Variants in RPS6KC1 observed in about 807,000 individuals in gnomAD.
RPS6KC1 encodes inactive ribosomal protein S6 kinase delta-1.
In RPS6KC1, 54 loss-of-function variants were observed where a neutral mutation model predicts 103.8. The observed-to-expected ratio is 0.52, with a 90% CI of 0.42 to 0.65. The LOEUF (loss-of-function observed/expected upper bound fraction) is 0.65, where lower values mean the gene tolerates loss of function less well. RPS6KC1 is among the 30% of genes least tolerant of loss of function. The pLI, the probability that RPS6KC1 is intolerant of heterozygous loss-of-function variation, is 0.00. For missense variants in RPS6KC1, 1,151 were observed against 1,253.8 expected, an observed-to-expected ratio of 0.92 and a Z score of 1.24; for synonymous variants, 439 against 438.7, an observed-to-expected ratio of 1.00 and a Z score of -0.01.
chr1:213,555,535 A>G, the RPS6KC1 span, among the ~76,000 whole-genome samples: 1 of 151,810 alleles, frequency 6.6e-6, no homozygotes, highest in Admixed American at 6.6e-5. Flanking sequence ...TGCAGCCTCG[A>G]CCCCCTGGGC....
At chr1:213,506,150 A>G in the RPS6KC1 span, among the ~76,000 whole-genome samples, 2 of 152,216 alleles carry the variant, frequency 1.3e-5, no homozygotes, top group Non-Finnish European at 2.9e-5. Flanking sequence ...GATGGGGACC[A>G]TCTTGTACTA....
chr1:213,778,265 G>T, the RPS6KC1 span, among the ~76,000 whole-genome samples: 3 of 152,132 alleles, frequency 2.0e-5, no homozygotes, highest in Non-Finnish European at 2.9e-5. Flanking sequence ...TCCACTTCCC[G>T]GGTGGCTATT....
chr1:213,289,369 T>C, the RPS6KC1 span, among the ~76,000 whole-genome samples: 16 of 152,238 alleles, frequency 1.1e-4, no homozygotes, highest in Middle Eastern at 3.4e-3. Context: ...TAAAGAAATT[T>C]TTTTTCCACG....
At chr1:213,704,757 A>G in the RPS6KC1 span, among the ~76,000 whole-genome samples, 22 of 152,218 alleles carry the variant, frequency 1.4e-4, no homozygotes, top group Admixed American at 1.4e-3. Flanking sequence ...GTTTGTACCA[A>G]TCCTTCTTGG....
the RPS6KC1 span, among the ~76,000 whole-genome samples, chr1:213,710,653 C>T: frequency 4.6e-5 from 7 of 152,178 alleles, no homozygotes; most frequent in East Asian, 3.9e-4. Flanking sequence ...TGGCTGGTAC[C>T]GGTTTTTCTT....
At chr1:213,598,977 T>G in the RPS6KC1 span, among the ~76,000 whole-genome samples, 1 of 152,088 alleles carries the variant, frequency 6.6e-6, no homozygotes, top group South Asian at 2.1e-4. Flanking sequence ...CATTTACATT[T>G]CATGCCAAAA....
the RPS6KC1 span, among the ~76,000 whole-genome samples, chr1:213,488,478 G>A: frequency 6.6e-6 from 1 of 152,204 alleles, no homozygotes; most frequent in East Asian, 1.9e-4. Flanking sequence ...ATTTGGTAGT[G>A]TTGGTGGGCT....
At chr1:213,341,863 A>T in the RPS6KC1 span, among the ~76,000 whole-genome samples, 1 of 152,194 alleles carries the variant, frequency 6.6e-6, no homozygotes, top group Non-Finnish European at 1.5e-5. Context: ...GCCATCTTCA[A>T]ATGCAAGATG....
At chr1:213,192,641 C>G (rs1024288028) in intron 8 of RPS6KC1, among the ~76,000 whole-genome samples, 1 of 152,012 alleles carries the variant, frequency 6.6e-6, no homozygotes, top group Non-Finnish European at 1.5e-5. Flanking sequence ...TCTTGTTTAC[C>G]TTTTCAGAAC....
chr1:213,656,399 A>G, the RPS6KC1 span, among the ~76,000 whole-genome samples: 1 of 152,256 alleles, frequency 6.6e-6, no homozygotes, highest in Admixed American at 6.5e-5. Context: ...CAGGATGAAA[A>G]GAACAAAAGA....
the RPS6KC1 span, among the ~76,000 whole-genome samples, chr1:213,382,783 T>A: frequency 6.6e-6 from 1 of 152,190 alleles, no homozygotes; most frequent in South Asian, 2.1e-4. Context: ...GGACACCCGT[T>A]CGAGCCATTT....
chr1:213,823,067 C>A, the RPS6KC1 span, among the ~76,000 whole-genome samples: 1 of 152,186 alleles, frequency 6.6e-6, no homozygotes, highest in Non-Finnish European at 1.5e-5. Flanking sequence ...ATATTCATCT[C>A]CTTTGCCTGC....
At chr1:213,305,266 T>G in the RPS6KC1 span, among the ~76,000 whole-genome samples, 1 of 151,790 alleles carries the variant, frequency 6.6e-6, no homozygotes, top group Admixed American at 6.6e-5. Flanking sequence ...TTCTTATTAG[T>G]AGAGATGGGT....
At chr1:213,407,958 G>T in the RPS6KC1 span, among the ~76,000 whole-genome samples, 3 of 152,212 alleles carry the variant, frequency 2.0e-5, no homozygotes, top group Non-Finnish European at 4.4e-5. Flanking sequence ...ACACATAATA[G>T]ATGCTTAATA....
chr1:213,163,536 T>C (rs1018925547), intron 6 of RPS6KC1, among the ~76,000 whole-genome samples: 39 of 152,240 alleles, frequency 2.6e-4, no homozygotes, highest in African/African-American at 9.2e-4. Flanking sequence ...TCCTCCAGCA[T>C]GGCTTTTCTT....
chr1:213,480,143 T>G, the RPS6KC1 span, among the ~76,000 whole-genome samples: 1 of 152,056 alleles, frequency 6.6e-6, no homozygotes, highest in Non-Finnish European at 1.5e-5. Flanking sequence ...CCAGGAAACA[T>G]TCTGTTGGCA....
At chr1:213,052,922 G>C (rs929338630) in intron 1 of RPS6KC1, among the ~76,000 whole-genome samples, 1 of 152,178 alleles carries the variant, frequency 6.6e-6, no homozygotes, top group African/African-American at 2.4e-5. Flanking sequence ...GCACAATTCA[G>C]ATAAATGTGA....
chr1:213,071,036 C>A lies in RPS6KC1; in HGVS notation c.136C>A (p.Gln46Lys). 1 of 1,531,782 alleles carries A rather than the reference C, an allele frequency of 6.5e-7. No individual in the cohort carries two copies. Among genetic ancestry groups the A allele is most frequent in the South Asian group, 1.2e-5 (1 of 82,552 alleles). The allele number at this position is 1,531,782 out of a possible 1,614,324, so 94.9% of individuals were successfully genotyped here. A position where few individuals can be genotyped will look rare whatever the true frequency, so the allele number is the denominator to read the frequency against. ...VVSRRNPEDV[Q>K]EIIVWKRYSD... Reference sequence around the variant, plus strand: ...TTCACGAAGAAATCCAGAGGATGTCCAGGAGGTAACATTTATATGAAGATT... The same window carrying A: ...TTCACGAAGAAATCCAGAGGATGTCAAGGAGGTAACATTTATATGAAGATT... Residue 46 changes from glutamine to lysine, a missense_variant, in exon 2 of 15, where the codon CAG (glutamine) becomes AAG (lysine). By Grantham distance (53) the Gln-to-Lys change is moderately conservative. Transcript: ENST00000366960.
At chr1:213,539,859 C>T in the RPS6KC1 span, among the ~76,000 whole-genome samples, 1 of 94,746 alleles carries the variant, frequency 1.1e-5, no homozygotes, top group African/African-American at 2.8e-5. Context: ...AGGTCACACA[C>T]ATTTTTTTGG....
Sources: allele counts gnomAD v4.1 joint callset (sites outside exome capture counted in the v4.1 genomes callset), GRCh38; gene constraint gnomAD v4.1.1; transcripts MANE v1.5; gene names NCBI Gene and HGNC (gene_info 2026-07-23, HGNC 2026-07-21).